Variants in ADRA1B observed in about 807,000 individuals in gnomAD.
ADRA1B encodes alpha-1B adrenergic receptor.
Under a neutral mutation model 17.9 loss-of-function variants are expected in ADRA1B, and 17 were observed. The observed-to-expected ratio is 0.95, with a 90% CI of 0.65 to 1.42. The LOEUF is 1.42. Among genes scored for constraint, ADRA1B ranks in the 40% most tolerant of loss-of-function variants. The pLI, the probability that ADRA1B is intolerant of heterozygous loss-of-function variation, is 0.00. For missense variants in ADRA1B, 681 were observed against 722.1 expected (o/e 0.94, Z 0.65); for synonymous variants, 366 against 327.6 (o/e 1.12, Z -1.27).
chr5:159,920,042 C>T (rs1174761453), intron 1 of ADRA1B, among the ~76,000 whole-genome samples: 1 of 152,192 alleles, frequency 6.6e-6, no homozygotes, highest in African/African-American at 2.4e-5. Context: ...CTATCAGAAT[C>T]ACTTGTGAAA....
chr5:159,917,167 G>A lies in ADRA1B; in HGVS notation c.262G>A (p.Ala88Thr). The A allele has an allele frequency of 6.2e-7, 1 of 1,614,140 alleles. No individual in the cohort carries two copies. The highest frequency in any genetic ancestry group is 8.5e-7 in the Non-Finnish European group (1 of 1,180,036). Residue 88 changes from alanine to threonine, a missense_variant, in exon 1 of 2, where the codon GCC becomes ACC. This residue lies in a region of ADRA1B where 424 missense variants were observed against 480.2 expected (regional missense o/e 0.88). Transcript: ENST00000306675. ...CACCAACTACTTCATTGTCAACCTG[G>A]CCATGGCCGACCTGCTGTTGAGCTT... ...TPTNYFIVNLAMADLLLSFTV... is the reference protein window; with the variant it reads ...TPTNYFIVNLTMADLLLSFTV...
At chr5:159,912,740 T>C (rs1299876324), upstream of ADRA1B, among the ~76,000 whole-genome samples, 1 of 152,258 alleles carries the variant, frequency 6.6e-6, no homozygotes, top group Non-Finnish European at 1.5e-5. Context: ...TTTCCTCATT[T>C]GTAAAATGGA....
chr5:159,968,496 T>C (rs1755813339), intron 1 of ADRA1B, among the ~76,000 whole-genome samples: 1 of 152,250 alleles, frequency 6.6e-6, no homozygotes. Context: ...CATGCTTTCC[T>C]GCTCTAGATC....
chr5:159,983,396 T>C, the ADRA1B span, among the ~76,000 whole-genome samples: 3 of 152,172 alleles, frequency 2.0e-5, no homozygotes, highest in African/African-American at 7.2e-5. Flanking sequence ...TCTGTTAGGA[T>C]TCACCCCATT....
At chr5:159,961,580 A>G (rs1755665221) in intron 1 of ADRA1B, among the ~76,000 whole-genome samples, 1 of 152,176 alleles carries the variant, frequency 6.6e-6, no homozygotes, top group African/African-American at 2.4e-5. Context: ...TTTTTACTGG[A>G]CCAAATTGTT....
chr5:159,882,944 G>A (rs560804726), intron 1 of ADRA1B, among the ~76,000 whole-genome samples: 1 of 152,214 alleles, frequency 6.6e-6, no homozygotes, highest in Admixed American at 6.5e-5. Context: ...ATAAATGAAG[G>A]CCAACCAATC....
At chr5:159,945,201 C>G (rs952589217) in intron 1 of ADRA1B, among the ~76,000 whole-genome samples, 21 of 152,182 alleles carry the variant, frequency 1.4e-4, no homozygotes, top group African/African-American at 4.3e-4. Context: ...GTGGTGAAAC[C>G]CTGTCTCCAC....
chr5:159,964,514 C>T (rs931802371), intron 1 of ADRA1B, among the ~76,000 whole-genome samples: 9 of 152,114 alleles, frequency 5.9e-5, no homozygotes, highest in South Asian at 4.1e-4. Flanking sequence ...AACTAATTGA[C>T]GCAAAGAAAA....
upstream of ADRA1B, chr5:159,916,168 C>G (rs558913056): frequency 7.0e-6 from 1 of 142,108 alleles, no homozygotes; most frequent in East Asian, 2.1e-4. Flanking sequence ...ACTCCGGGAG[C>G]CCCCTATTAA....
intron 1 of ADRA1B, among the ~76,000 whole-genome samples, chr5:159,902,946 G>A (rs1754118975): frequency 6.6e-6 from 1 of 152,182 alleles, no homozygotes. Context: ...ATCAGACACT[G>A]TCGCTCTCGG....
intron 1 of ADRA1B, among the ~76,000 whole-genome samples, chr5:159,962,861 T>TA (rs1554092618): frequency 2.8e-5 from 4 of 144,104 alleles, no homozygotes; most frequent in Non-Finnish European, 4.6e-5. Context: ...TTTTTTTTTT[T>TA]ACTTTTTGGC....
intron 1 of ADRA1B, among the ~76,000 whole-genome samples, chr5:159,893,614 T>A (rs1007968810): frequency 2.2e-4 from 34 of 152,236 alleles, no homozygotes; most frequent in Non-Finnish European, 2.4e-4. Context: ...GATGCAATTC[T>A]TTCTTTCTTT....
chr5:159,924,162 C>T (rs1203849196), intron 1 of ADRA1B, among the ~76,000 whole-genome samples: 3 of 152,212 alleles, frequency 2.0e-5, no homozygotes, highest in Non-Finnish European at 2.9e-5. Flanking sequence ...CTTTTAAAAA[C>T]TAAATGTATT....
chr5:159,956,954 C>T lies in ADRA1B; in HGVS notation c.950-14925C>T, dbSNP rs558828812. 2.6e-5 allele frequency among the ~76,000 whole-genome samples: 4 copies of T among 152,208 alleles called. No homozygotes were observed. In the East Asian group the frequency reaches 7.7e-4, roughly 29 times the overall value. ...ATGGTGCAATCTCGGCTCACTGCCACCTCCACCTCCAGCGTTCAAGCAATT... is the reference window on the plus strand; with the variant it reads ...ATGGTGCAATCTCGGCTCACTGCCATCTCCACCTCCAGCGTTCAAGCAATT... On this transcript the variant is annotated intron_variant, in intron 1 of 1. Coordinates refer to ENST00000306675, the MANE Select transcript of ADRA1B (RefSeq NM_000679.4).
intron 1 of ADRA1B, among the ~76,000 whole-genome samples, chr5:159,923,401 C>A (rs1191353755): frequency 6.6e-6 from 1 of 152,228 alleles, no homozygotes; most frequent in Non-Finnish European, 1.5e-5. Flanking sequence ...CTAGACTAGG[C>A]AGGGGCAGTG....
Position 159,972,424 on chromosome 5 carries a change from G to A in ADRA1B, c.1495G>A (p.Ala499Thr). The A allele has an allele frequency of 2.7e-6, 4 of 1,506,706 alleles. No individual in the cohort carries two copies. Among genetic ancestry groups the A allele is most frequent in the South Asian group, 1.2e-5 (1 of 81,350 alleles). 93.3% of individuals were successfully genotyped at this position (1,506,706 alleles called of 1,614,324 possible). A position where few individuals can be genotyped will look rare whatever the true frequency, so the allele number is the denominator to read the frequency against. ...GGASNGGCEA[A>T]ADVANGQPGF... ...CGCCAGCAACGGAGGCTGCGAGGCC[G>A]CGGCCGACGTGGCCAACGGGCAGCC... The change falls in exon 2 of 2, where the codon GCG becomes ACG. Residue 499 changes from alanine to threonine, a missense_variant. Around this residue, in one of 3 missense-constraint regions of ADRA1B, gnomAD observed 251 missense variants for 224.9 expected, o/e 1.12. Coordinates refer to ENST00000306675, the MANE Select transcript of ADRA1B (RefSeq NM_000679.4).
intron 1 of ADRA1B, among the ~76,000 whole-genome samples, chr5:159,922,074 T>C (rs1423977947): frequency 2.0e-5 from 3 of 152,226 alleles, no homozygotes; most frequent in Non-Finnish European, 4.4e-5. Flanking sequence ...TCCTAAAGCA[T>C]CTACTACATG....
At chr5:159,949,194 C>T (rs1755356752) in intron 1 of ADRA1B, among the ~76,000 whole-genome samples, 1 of 152,218 alleles carries the variant, frequency 6.6e-6, no homozygotes, top group East Asian at 1.9e-4. Flanking sequence ...CTCCTACCCT[C>T]AATGTATGAA....
the ADRA1B span, among the ~76,000 whole-genome samples, chr5:159,979,051 C>T: frequency 0.058 from 8,763 of 152,130 alleles, 869 homozygotes; most frequent in African/African-American, 0.2. Flanking sequence ...AATGGCCAGA[C>T]GTAGTGGCTC....
Sources: allele counts gnomAD v4.1 joint callset (sites outside exome capture counted in the v4.1 genomes callset), GRCh38; gene constraint gnomAD v4.1.1; regional missense constraint gnomAD v4.1.1; transcripts MANE v1.5; gene names NCBI Gene and HGNC (gene_info 2026-07-23, HGNC 2026-07-21).